ADCY5: variants seen among roughly 807,000 people sequenced by gnomAD.
ADCY5 encodes the protein adenylate cyclase 5.
Under a neutral mutation model 119.7 loss-of-function variants are expected in ADCY5, and 30 were observed. The ratio of observed to expected loss-of-function variants is 0.25; its 90% CI spans 0.19 to 0.34. The LOEUF (loss-of-function observed/expected upper bound fraction) is 0.34. Ranked by LOEUF, ADCY5 falls within the 10% of genes least tolerant of loss-of-function variation. ADCY5 has a pLI of 1.00. For missense variants in ADCY5, 1,324 were observed against 1,775.2 expected (o/e 0.75, Z 4.57); for synonymous variants, 753 against 762.2 (o/e 0.99, Z 0.20).
At chr3:123,439,074 T>C (rs1945675012) in intron 1 of ADCY5, among the ~76,000 whole-genome samples, 1 of 83,772 alleles carries the variant, frequency 1.2e-5, no homozygotes, top group Non-Finnish European at 2.4e-5. Context: ...GACCCTAAAG[T>C]GCTTTTTTTT....
intron 13 of ADCY5, among the ~76,000 whole-genome samples, chr3:123,303,839 A>AAGAGC (rs1940009775): frequency 1.9e-5 from 1 of 53,584 alleles, no homozygotes; most frequent in Non-Finnish European, 3.4e-5. Flanking sequence ...CTGGAAAGAA[A>AAGAGC]AGAGAAGAGA....
intron 1 of ADCY5, among the ~76,000 whole-genome samples, chr3:123,441,928 G>C (rs1488696943): frequency 6.7e-6 from 1 of 149,196 alleles, no homozygotes; most frequent in African/African-American, 2.5e-5. Flanking sequence ...TCTTCACAAT[G>C]CTGTAAAGAG....
At chr3:123,355,198 T>C (rs1942994026) in intron 1 of ADCY5, among the ~76,000 whole-genome samples, 1 of 152,216 alleles carries the variant, frequency 6.6e-6, no homozygotes, top group Non-Finnish European at 1.5e-5. Flanking sequence ...ATTGTCTATG[T>C]AGAAGAACCT....
chr3:123,418,086 T>C (rs7614840), intron 1 of ADCY5, among the ~76,000 whole-genome samples: 17,756 of 152,128 alleles, frequency 0.12, 2,434 homozygotes, highest in East Asian at 0.37. Flanking sequence ...AGCACTCAGA[T>C]CCCAGGAGGT....
intron 12 of ADCY5, among the ~76,000 whole-genome samples, chr3:123,307,912 T>TAA (rs949485445): frequency 6.7e-6 from 1 of 149,572 alleles, no homozygotes; most frequent in Non-Finnish European, 1.5e-5. Flanking sequence ...ACTGCAGGCT[T>TAA]AAAAAAAAAT....
chr3:123,447,289 C>T lies in ADCY5; in HGVS notation c.1134+123G>A, dbSNP rs573536904. The stretch of plus-strand genomic sequence containing the variant: ...GAAGCTCCCAAATAGCCTACATGGC[C>T]GAGCCCTGTCTCTCTGGCTCTTTTC... On this transcript the variant is annotated intron_variant, in intron 1 of 20. Coordinates refer to ENST00000462833, the MANE Select transcript of ADCY5 (RefSeq NM_183357.3). 2.7e-5 allele frequency: 31 copies of T among 1,155,062 alleles called. No individual in the cohort carries two copies. The African/African-American group carries it at 3.6e-4, about 13-fold the overall frequency. 71.6% of individuals were successfully genotyped at this position (1,155,062 alleles called of 1,614,324 possible). A position where few individuals can be genotyped will look rare whatever the true frequency, so the allele number is the denominator to read the frequency against.
chr3:123,422,862 G>A (rs1328916128), intron 1 of ADCY5, among the ~76,000 whole-genome samples: 1 of 152,158 alleles, frequency 6.6e-6, no homozygotes, highest in African/African-American at 2.4e-5. Flanking sequence ...TTAATGAGAT[G>A]GTCCTTTCTC....
intron 16 of ADCY5, among the ~76,000 whole-genome samples, chr3:123,296,553 C>T (rs1041559415): frequency 8.5e-5 from 13 of 152,182 alleles, no homozygotes; most frequent in African/African-American, 2.9e-4. Context: ...CCAGATCCTT[C>T]TCTGGACAAG....
intron 1 of ADCY5, among the ~76,000 whole-genome samples, chr3:123,435,849 C>CG (rs1553750003): frequency 3.7e-5 from 5 of 134,998 alleles, no homozygotes; most frequent in African/African-American, 1.4e-4. Flanking sequence ...GGCAAGAGCC[C>CG]TTTTATTATT....
chr3:123,312,267 CAAAT>C (rs545769853), intron 12 of ADCY5, among the ~76,000 whole-genome samples: 1 of 152,166 alleles, frequency 6.6e-6, no homozygotes, highest in Non-Finnish European at 1.5e-5. Flanking sequence ...CTGAAAGAAA[CAAAT>C]AAATAATGAC....
Position 123,447,529 on chromosome 3 carries a change from G to C in ADCY5, c.1017C>G (p.Ile339Met). ...IWWTVFFIYT[I>M]YTLLPVRMRA... is the part of the protein sequence containing the mutation. Reference sequence around the variant, plus strand: ...GCATGCGCACGGGCAGCAGCGTGTAGATGGTGTAGATGAAGAACACGGTCC... The same window carrying C: ...GCATGCGCACGGGCAGCAGCGTGTACATGGTGTAGATGAAGAACACGGTCC... The change falls in exon 1 of 21, where the codon ATC becomes ATG. Residue 339 changes from isoleucine (I) to methionine (M), a missense_variant. Coordinates refer to ENST00000462833, the MANE Select transcript of ADCY5 (RefSeq NM_183357.3). The C allele has an allele frequency of 6.2e-7, 1 of 1,610,724 alleles. No homozygotes were observed. Among genetic ancestry groups the C allele is most frequent in the Non-Finnish European group, 8.5e-7 (1 of 1,179,698 alleles).
intron 1 of ADCY5, among the ~76,000 whole-genome samples, chr3:123,396,517 AAG>A (rs199564145): frequency 0.21 from 28,086 of 135,354 alleles, 3,401 homozygotes; most frequent in Middle Eastern, 0.28. Context: ...GAAAGAAAGA[AAG>A]AGAGAGAGAA....
At chr3:123,406,003 T>C (rs1944888903) in intron 1 of ADCY5, among the ~76,000 whole-genome samples, 1 of 152,212 alleles carries the variant, frequency 6.6e-6, no homozygotes, top group South Asian at 2.1e-4. Context: ...CCGACTGCTC[T>C]TCCCAGGCCT....
At chr3:123,297,216 G>A (rs1233280383) in intron 16 of ADCY5, 137 bp downstream of exon 16, 3 of 1,387,968 alleles carry the variant, frequency 2.2e-6, no homozygotes, top group African/African-American at 2.8e-5. Context: ...GGAGGAACCA[G>A]CCTCCCTGTC....
intron 3 of ADCY5, among the ~76,000 whole-genome samples, chr3:123,344,378 A>C (rs1366138352): frequency 6.6e-6 from 1 of 152,204 alleles, no homozygotes; most frequent in Non-Finnish European, 1.5e-5. Context: ...TCATAATCAT[A>C]AAAATAACAG....
chr3:123,285,653 C>T (rs1363393574), intron 20 of ADCY5, among the ~76,000 whole-genome samples: 1 of 152,220 alleles, frequency 6.6e-6, no homozygotes, highest in Non-Finnish European at 1.5e-5. Context: ...TGCAGCCCCA[C>T]ACAAGGTGAG....
At chr3:123,336,379 C>T (rs934852274) in intron 3 of ADCY5, among the ~76,000 whole-genome samples, 19 of 152,216 alleles carry the variant, frequency 1.2e-4, no homozygotes, top group African/African-American at 4.6e-4. Flanking sequence ...ACTGGCTGCA[C>T]ATGAGTCAAG....
In ADCY5 at chr3:123,448,284, G is replaced by T; in HGVS notation, c.262C>A (p.Pro88Thr). 6.5e-7 allele frequency: 1 copy of T among 1,528,968 alleles called. No homozygotes were observed. Among genetic ancestry groups the T allele is most frequent in the Non-Finnish European group, 8.7e-7 (1 of 1,147,952 alleles). The allele number at this position is 1,528,968 out of a possible 1,614,324, so 94.7% of individuals were successfully genotyped here. A position where few individuals can be genotyped will look rare whatever the true frequency, so the allele number is the denominator to read the frequency against. The change falls in exon 1 of 21, where the codon CCC becomes ACC. Residue 88 changes from proline (P) to threonine (T), a missense_variant. Pro to Thr is a conservative substitution (Grantham distance 38). This residue lies in a region of ADCY5 where 585 missense variants were observed against 569.9 expected (regional missense o/e 1.03). Transcript: ENST00000462833. ...DDDPPLSGDD[P>T]LAGGFGFSFR... ...CTGAAGCCGAAGCCCCCGGCCAGGG[G>T]GTCGTCACCGCTCAGCGGAGGATCG...
rs774684423 is a variant in ADCY5 at position 123,319,832 on chromosome 3, G to A, written c.2112-14C>T. ...TCCTGGGCGTTCCTGGGGAGCAGAAGGCACGGGCGTGAGACAGGCTGACCA... is the reference window on the plus strand; with the variant it reads ...TCCTGGGCGTTCCTGGGGAGCAGAAAGCACGGGCGTGAGACAGGCTGACCA... On this transcript the variant is annotated splice_polypyrimidine_tract_variant and intron_variant, in intron 9 of 20. Coordinates refer to ENST00000462833, the MANE Select transcript of ADCY5 (RefSeq NM_183357.3). 1.9e-6 allele frequency: 3 copies of A among 1,611,436 alleles called. No homozygotes were observed. Among genetic ancestry groups the A allele is most frequent in the Non-Finnish European group, 2.5e-6 (3 of 1,177,842 alleles).
Sources: allele counts gnomAD v4.1 joint callset (sites outside exome capture counted in the v4.1 genomes callset), GRCh38; gene constraint gnomAD v4.1.1; regional missense constraint gnomAD v4.1.1; transcripts MANE v1.5; gene names NCBI Gene and HGNC (gene_info 2026-07-23, HGNC 2026-07-21).